NELL1: variants seen among roughly 807,000 people sequenced by gnomAD.
NELL1 encodes neural EGFL like 1.
In NELL1, 76 loss-of-function variants were observed where a neutral mutation model predicts 107.4. The ratio of observed to expected loss-of-function variants is 0.71; its 90% CI spans 0.59 to 0.86. The LOEUF (loss-of-function observed/expected upper bound fraction) is 0.86, where lower values mean the gene tolerates loss of function less well. Among genes scored for constraint, NELL1 ranks in the 40% least tolerant of loss-of-function variants. The pLI, the probability that NELL1 is intolerant of heterozygous loss-of-function variation, is 0.00. For synonymous variants in NELL1, 353 were observed against 341.2 expected (o/e 1.03, Z -0.38); for missense variants, 1,024 against 1,005.5 (o/e 1.02, Z -0.25).
intron 7 of NELL1, among the ~76,000 whole-genome samples, chr11:20,920,546 G>A (rs939489109): frequency 6.6e-6 from 1 of 152,018 alleles, no homozygotes; most frequent in African/African-American, 2.4e-5. Context: ...AATGTGAAAC[G>A]CAGGTGATTA....
At chr11:20,857,113 T>C (rs1848896106) in intron 4 of NELL1, among the ~76,000 whole-genome samples, 1 of 152,144 alleles carries the variant, frequency 6.6e-6, no homozygotes, top group Non-Finnish European at 1.5e-5. Context: ...GCATACAGCA[T>C]GCATCCAGAG....
intron 12 of NELL1, among the ~76,000 whole-genome samples, chr11:21,097,455 C>A (rs1163738438): frequency 6.6e-6 from 1 of 152,100 alleles, no homozygotes; most frequent in East Asian, 1.9e-4. Flanking sequence ...TTTGTCCCTC[C>A]CTATGGGCTG....
Position 21,257,153 on chromosome 11 carries a change from C to T in NELL1, c.1549+27699C>T, listed in dbSNP as rs145306585. On this transcript the variant is annotated intron_variant, in intron 14 of 19. Coordinates refer to ENST00000357134, the MANE Select transcript of NELL1 (RefSeq NM_006157.5). ...GACCCAAGGAGATGTAGGGGAGGGA[C>T]GAACAGTGTCAACTGTAAGAATATA... is the stretch of plus-strand genomic sequence containing the variant. Among the ~76,000 whole-genome samples, 637 of 151,946 alleles carry T rather than the reference C, an allele frequency of 4.2e-3. 3 individuals carry two copies. The highest frequency in any genetic ancestry group is 0.015 in the African/African-American group (602 of 41,448).
At chr11:21,044,411 G>A (rs1296663875) in intron 12 of NELL1, among the ~76,000 whole-genome samples, 1 of 152,150 alleles carries the variant, frequency 6.6e-6, no homozygotes, top group Non-Finnish European at 1.5e-5. Context: ...TGTGGAGAAA[G>A]CATGTTAAGC....
chr11:21,139,475 C>T (rs1004443554), intron 13 of NELL1, among the ~76,000 whole-genome samples: 2 of 152,194 alleles, frequency 1.3e-5, no homozygotes, highest in South Asian at 4.1e-4. Flanking sequence ...TTTCTCCTCT[C>T]TCTGTTAGTT....
intron 16 of NELL1, among the ~76,000 whole-genome samples, chr11:21,538,379 T>G (rs1263407457): frequency 1.1e-4 from 17 of 152,130 alleles, no homozygotes; most frequent in Admixed American, 9.8e-4. Flanking sequence ...ATGTTTAAGA[T>G]TTGCCTTTTT....
intron 13 of NELL1, among the ~76,000 whole-genome samples, chr11:21,128,915 T>C (rs966703914): frequency 6.6e-6 from 1 of 152,220 alleles, no homozygotes; most frequent in African/African-American, 2.4e-5. Flanking sequence ...CAGAGACTAG[T>C]GCCCTCTATC....
At chr11:20,970,066 T>TCCAG (rs1851466238) in intron 12 of NELL1, among the ~76,000 whole-genome samples, 1 of 140,538 alleles carries the variant, frequency 7.1e-6, no homozygotes, top group African/African-American at 2.5e-5. Context: ...CATCCATCCA[T>TCCAG]CCATCCATCC....
chr11:21,260,971 T>C (rs978844819), intron 14 of NELL1, among the ~76,000 whole-genome samples: 1 of 151,840 alleles, frequency 6.6e-6, no homozygotes, highest in African/African-American at 2.4e-5. Flanking sequence ...TATTAAGGGC[T>C]ATAAATATTC....
intron 3 of NELL1, among the ~76,000 whole-genome samples, chr11:20,810,136 C>G (rs1022107394): frequency 6.6e-6 from 1 of 151,898 alleles, no homozygotes; most frequent in Non-Finnish European, 1.5e-5. Flanking sequence ...ATCTGTTAGC[C>G]ATTTGTATGC....
intron 14 of NELL1, among the ~76,000 whole-genome samples, chr11:21,311,835 G>A (rs1849755891): frequency 6.6e-6 from 1 of 152,116 alleles, no homozygotes; most frequent in Non-Finnish European, 1.5e-5. Context: ...TTGTCTGAAT[G>A]TCTGTGCCTG....
intron 5 of NELL1, among the ~76,000 whole-genome samples, chr11:20,906,617 T>C (rs1182560898): frequency 6.6e-6 from 1 of 151,920 alleles, no homozygotes; most frequent in Non-Finnish European, 1.5e-5. Context: ...ATGAACTGAA[T>C]CCAACAGTGT....
At chr11:21,346,668 C>T (rs1299695323) in intron 14 of NELL1, among the ~76,000 whole-genome samples, 1 of 147,396 alleles carries the variant, frequency 6.8e-6, no homozygotes, top group Admixed American at 6.8e-5. Context: ...TTTATAATAT[C>T]AAATTAAATA....
intron 1 of NELL1, chr11:20,674,459 C>T (rs1049808089): frequency 6.5e-6 from 10 of 1,527,122 alleles, no homozygotes; most frequent in Middle Eastern, 1.7e-4. Context: ...TTTTTACACA[C>T]GGTAACCCAA....
intron 14 of NELL1, among the ~76,000 whole-genome samples, chr11:21,232,483 AAAG>A (rs1858089579): frequency 6.6e-6 from 1 of 152,170 alleles, no homozygotes; most frequent in East Asian, 1.9e-4. Context: ...AAAGAAGAAG[AAAG>A]AGGAGGAGGA....
intron 13 of NELL1, among the ~76,000 whole-genome samples, chr11:21,175,687 T>C (rs1195899479): frequency 6.6e-6 from 1 of 152,026 alleles, no homozygotes; most frequent in Non-Finnish European, 1.5e-5. Flanking sequence ...GCAGCTCCGA[T>C]GCTACAGTAT....
At chr11:20,968,839 G>A (rs1456193917) in intron 12 of NELL1, among the ~76,000 whole-genome samples, 1 of 152,092 alleles carries the variant, frequency 6.6e-6, no homozygotes, top group African/African-American at 2.4e-5. Context: ...AAGAATGGAA[G>A]GTTACCAGTG....
chr11:21,489,849 G>A (rs969424419), intron 15 of NELL1, among the ~76,000 whole-genome samples: 1 of 152,004 alleles, frequency 6.6e-6, no homozygotes, highest in African/African-American at 2.4e-5. Flanking sequence ...ATCATAGTGA[G>A]TGGGGAAAAG....
intron 12 of NELL1, among the ~76,000 whole-genome samples, chr11:20,995,796 CTCTA>C (rs1379463282): frequency 3.3e-5 from 5 of 152,124 alleles, no homozygotes; most frequent in African/African-American, 1.2e-4. Context: ...AAGACATGAT[CTCTA>C]TCTTCTGTAA....
Sources: gnomAD v4.1 joint callset for allele counts (sites outside exome capture counted in the v4.1 genomes callset) on GRCh38, gnomAD v4.1.1 for gene constraint, MANE v1.5 for transcripts, NCBI Gene and HGNC (gene_info 2026-07-23, HGNC 2026-07-21) for gene names.